RGPD2: variants seen among roughly 807,000 people sequenced by gnomAD.
RGPD2 encodes RANBP2-like and GRIP domain-containing protein 2.
In RGPD2, 2 loss-of-function variants were observed where a neutral mutation model predicts 36.0. The ratio of observed to expected loss-of-function variants is 0.06; its 90% confidence interval spans 0.02 to 0.17. The LOEUF (loss-of-function observed/expected upper bound fraction) is 0.17, where lower values mean the gene tolerates loss of function less well. Among genes scored for constraint, RGPD2 ranks in the 10% least tolerant of loss-of-function variants. The pLI is 1.00. For missense variants in RGPD2, 40 were observed against 464.3 expected, an observed-to-expected ratio of 0.09 and a Z score of 8.40; for synonymous variants, 19 against 163.8, an observed-to-expected ratio of 0.12 and a Z score of 6.75.
chr2:87,987,819 G>T, the RGPD2 span, among the ~76,000 whole-genome samples: 2 of 64,952 alleles, frequency 3.1e-5, no homozygotes, highest in East Asian at 1.1e-3. Flanking sequence ...AGAACCCTTT[G>T]CAGGTAAAGT....
At chr2:87,920,382 G>A in the RGPD2 span, among the ~76,000 whole-genome samples, 1 of 151,224 alleles carries the variant, frequency 6.6e-6, no homozygotes, top group South Asian at 2.1e-4. Context: ...TGCTATGATA[G>A]CATCTAATAT....
At chr2:87,943,725 C>T in the RGPD2 span, among the ~76,000 whole-genome samples, 198 of 151,736 alleles carry the variant, frequency 1.3e-3, no homozygotes, top group Non-Finnish European at 2.0e-3. Context: ...ACAATAATGT[C>T]GTGGAGCTTT....
the RGPD2 span, among the ~76,000 whole-genome samples, chr2:87,951,343 T>C: frequency 6.6e-6 from 1 of 151,492 alleles, no homozygotes; most frequent in Non-Finnish European, 1.5e-5. Flanking sequence ...CAAAAACTAA[T>C]TATTAGAACA....
chr2:87,929,781 C>T, the RGPD2 span, among the ~76,000 whole-genome samples: 18,271 of 80,346 alleles, frequency 0.23, 2,144 homozygotes, highest in Non-Finnish European at 0.26. Flanking sequence ...AGATCTTTCA[C>T]CTCCTTAGTT....
chr2:87,876,667 A>T, the RGPD2 span, among the ~76,000 whole-genome samples: 1 of 151,666 alleles, frequency 6.6e-6, no homozygotes, highest in Non-Finnish European at 1.5e-5. Flanking sequence ...GGCAATGAGA[A>T]GTATGTATAT....
upstream of RGPD2, among the ~76,000 whole-genome samples, chr2:87,826,126 TCA>T (rs1686803328): frequency 6.6e-6 from 1 of 152,206 alleles, no homozygotes; most frequent in Non-Finnish European, 1.5e-5. Context: ...AGTAAATATC[TCA>T]GTTAAGAATT....
At chr2:87,978,850 C>T in the RGPD2 span, among the ~76,000 whole-genome samples, 25 of 144,600 alleles carry the variant, frequency 1.7e-4, no homozygotes, top group South Asian at 3.4e-3. Flanking sequence ...CCTATGAGTT[C>T]GAGATTACAG....
intron 1 of RGPD2, 59 bp downstream of exon 1, chr2:87,825,599 C>CG (rs1368235461): frequency 1.1e-5 from 14 of 1,323,184 alleles, no homozygotes; most frequent in East Asian, 3.9e-5. Flanking sequence ...GCCGCCCGGC[C>CG]AGGTCGAGGC....
chr2:87,930,764 G>T, the RGPD2 span, among the ~76,000 whole-genome samples: 1 of 149,182 alleles, frequency 6.7e-6, no homozygotes, highest in African/African-American at 2.5e-5. Flanking sequence ...TCTGTTCAGA[G>T]ATTCAATTTC....
rs1324429721 is a variant in RGPD2, at chr2:87,772,158, CT to C, written c.5236+10del. The C allele has an allele frequency of 5.5e-5, 42 of 758,968 alleles. No homozygotes were observed. The allele number at this position is 758,968 out of a possible 1,614,324, so 47.0% of individuals were successfully genotyped here. On this transcript the variant is annotated intron_variant, in intron 22 of 22. Transcript: ENST00000398146. ...AGAAGTCAGAAGTTCTGAGACTCTC[CT>C]TTTACCCACCTTGAGCAACCGCAGC...
the RGPD2 span, among the ~76,000 whole-genome samples, chr2:87,915,041 G>A: frequency 1.6e-4 from 24 of 151,958 alleles, no homozygotes; most frequent in African/African-American, 5.8e-4. Flanking sequence ...CAGGTACTCA[G>A]GAGGCTGTGG....
chr2:87,913,191 C>T, the RGPD2 span, among the ~76,000 whole-genome samples: 1 of 151,984 alleles, frequency 6.6e-6, no homozygotes, highest in African/African-American at 2.4e-5. Context: ...GGCACATATA[C>T]ACCATGGAAT....
chr2:87,967,395 C>T, the RGPD2 span, among the ~76,000 whole-genome samples: 90 of 149,650 alleles, frequency 6.0e-4, 4 homozygotes, highest in African/African-American at 2.1e-3. Flanking sequence ...GGTGACAGAA[C>T]GAGACTCCAT....
At chr2:87,978,254 T>G in the RGPD2 span, among the ~76,000 whole-genome samples, 1 of 152,010 alleles carries the variant, frequency 6.6e-6, no homozygotes, top group African/African-American at 2.4e-5. Flanking sequence ...ATGTAAGAAC[T>G]TCACCAGCTT....
chr2:87,964,280 T>C, the RGPD2 span, among the ~76,000 whole-genome samples: 5 of 152,276 alleles, frequency 3.3e-5, no homozygotes, highest in Admixed American at 1.3e-4. Context: ...ATTTTCACCA[T>C]GGCACTGAAA....
the RGPD2 span, among the ~76,000 whole-genome samples, chr2:87,947,667 T>TAG: frequency 2.0e-5 from 3 of 151,714 alleles, no homozygotes; most frequent in Non-Finnish European, 4.4e-5. Context: ...CCAGCAGACC[T>TAG]TATCTATGCT....
At chr2:87,916,906 A>G in the RGPD2 span, among the ~76,000 whole-genome samples, 5 of 152,196 alleles carry the variant, frequency 3.3e-5, no homozygotes, top group Middle Eastern at 3.4e-3. Flanking sequence ...AAATGTCAGA[A>G]GAAAATAAAT....
the RGPD2 span, among the ~76,000 whole-genome samples, chr2:87,846,301 T>C: frequency 6.6e-6 from 1 of 152,082 alleles, no homozygotes; most frequent in Non-Finnish European, 1.5e-5. Flanking sequence ...TTCATTACTC[T>C]TAAATAAACA....
the RGPD2 span, among the ~76,000 whole-genome samples, chr2:87,921,185 C>A: frequency 6.6e-6 from 1 of 151,758 alleles, no homozygotes; most frequent in Non-Finnish European, 1.5e-5. Context: ...ATTATCAGTG[C>A]CTGTTAATTC....
Sources: allele counts gnomAD v4.1 joint callset (sites outside exome capture counted in the v4.1 genomes callset), GRCh38; gene constraint gnomAD v4.1.1; transcripts MANE v1.5; gene names NCBI Gene and HGNC (gene_info 2026-07-23, HGNC 2026-07-21).